The following LDLRAD4 variants were observed in gnomAD, a reference collection of about 807,000 sequenced individuals.
The protein encoded by LDLRAD4 is low-density lipoprotein receptor class A domain-containing protein 4.
LDLRAD4 carries 5 observed loss-of-function variants against 17.0 expected under a neutral mutation model. The ratio of observed to expected loss-of-function variants is 0.29; its 90% CI spans 0.15 to 0.62. The LOEUF is 0.62. LDLRAD4 is among the 20% of genes least tolerant of loss of function. LDLRAD4 has a pLI of 0.84. For synonymous variants in LDLRAD4, 168 were observed against 171.8 expected, an observed-to-expected ratio of 0.98 and a Z score of 0.17; for missense variants, 340 against 424.7, an observed-to-expected ratio of 0.80 and a Z score of 1.75.
In LDLRAD4 at chr18:13,345,829, G is replaced by T. The variant is rs574439695; in HGVS notation, c.-382-41512G>T. ...TGGGAGGGTGTATGTGTCCAGGAAT[G>T]TATCCATTTCTTCTAGATTTTCTAG... On this transcript the variant is annotated intron_variant, in intron 1 of 5. Coordinates refer to ENST00000359446, the Ensembl canonical transcript of LDLRAD4. 4.9e-4 allele frequency among the ~76,000 whole-genome samples: 74 copies of T among 152,128 alleles called. 2 individuals carry two copies. The East Asian group carries it at 0.012, about 25-fold the overall frequency.
chr18:13,629,766 TG>T (rs1481459101), intron 4 of LDLRAD4, among the ~76,000 whole-genome samples: 2 of 151,608 alleles, frequency 1.3e-5, no homozygotes, highest in African/African-American at 2.4e-5. Flanking sequence ...AAAGTTGGTG[TG>T]GTTTGTTCTG....
chr18:13,390,275 G>A (rs1021825201), intron 2 of LDLRAD4, among the ~76,000 whole-genome samples: 2 of 152,194 alleles, frequency 1.3e-5, no homozygotes, highest in African/African-American at 4.8e-5. Flanking sequence ...CGCCACAGCC[G>A]CCGTTTTGGA....
At chr18:13,588,133 T>C (rs2094958991) in intron 3 of LDLRAD4, among the ~76,000 whole-genome samples, 1 of 152,226 alleles carries the variant, frequency 6.6e-6, no homozygotes, top group Admixed American at 6.5e-5. Flanking sequence ...TCCTGTCCCA[T>C]TGAGAAGCTT....
intron 3 of LDLRAD4, among the ~76,000 whole-genome samples, chr18:13,600,622 A>G (rs752851985): frequency 5.9e-5 from 9 of 152,256 alleles, no homozygotes; most frequent in Admixed American, 2.6e-4. Flanking sequence ...AAAATCACCA[A>G]GAAGACCATG....
chr18:13,467,225 C>T (rs897960319), intron 3 of LDLRAD4, among the ~76,000 whole-genome samples: 1 of 152,162 alleles, frequency 6.6e-6, no homozygotes, highest in African/African-American at 2.4e-5. Flanking sequence ...TCAAAAATGA[C>T]ATGATCTTAT....
At chr18:13,283,075 G>A (rs1298293883) in intron 1 of LDLRAD4, among the ~76,000 whole-genome samples, 1 of 152,166 alleles carries the variant, frequency 6.6e-6, no homozygotes, top group Non-Finnish European at 1.5e-5. Context: ...AAGTCCCTAG[G>A]TTGCATACAG....
At chr18:13,253,928 G>A (rs1598918941) in intron 1 of LDLRAD4, among the ~76,000 whole-genome samples, 1 of 152,254 alleles carries the variant, frequency 6.6e-6, no homozygotes, top group South Asian at 2.1e-4. Flanking sequence ...TGAGTGCCCA[G>A]TGTGTGCCCA....
At position 13,397,224 on chromosome 18, in the gene LDLRAD4, A is replaced by T. The variant is rs533444719; in HGVS notation, c.40+9462A>T. Among the ~76,000 whole-genome samples, 41 of 152,154 alleles carry T rather than the reference A, an allele frequency of 2.7e-4. 1 individual carries two copies. In the South Asian group the frequency reaches 8.3e-3, roughly 31 times the overall value. ...AGTGGTGAGATCTCAGCTCACTGCAAGCTCCGCCTGCCTGGTTCATGCCAT... is the reference window on the plus strand; with the variant it reads ...AGTGGTGAGATCTCAGCTCACTGCATGCTCCGCCTGCCTGGTTCATGCCAT... On this transcript the variant is annotated intron_variant, in intron 2 of 5. Coordinates refer to ENST00000359446, the Ensembl canonical transcript of LDLRAD4.
intron 1 of LDLRAD4, among the ~76,000 whole-genome samples, chr18:13,347,806 C>G (rs889727083): frequency 6.6e-6 from 1 of 152,144 alleles, no homozygotes; most frequent in African/African-American, 2.4e-5. Flanking sequence ...TCTCTTCTTG[C>G]TTCATTTCAT....
intron 3 of LDLRAD4, among the ~76,000 whole-genome samples, chr18:13,452,289 A>G (rs1025785352): frequency 1.3e-5 from 2 of 152,138 alleles, no homozygotes; most frequent in African/African-American, 4.8e-5. Flanking sequence ...TTTGGGGTTC[A>G]CGGTGGCAGC....
At chr18:13,251,560 T>C (rs191205668) in intron 1 of LDLRAD4, among the ~76,000 whole-genome samples, 2 of 152,282 alleles carry the variant, frequency 1.3e-5, no homozygotes, top group African/African-American at 2.4e-5. Flanking sequence ...AAAATCAATA[T>C]TGTTTCTATA....
At chr18:13,480,009 C>T (rs1350735738) in intron 3 of LDLRAD4, among the ~76,000 whole-genome samples, 2 of 152,346 alleles carry the variant, frequency 1.3e-5, no homozygotes, top group Admixed American at 6.5e-5. Flanking sequence ...TTGACGGTGT[C>T]TTTCAAAACT....
chr18:13,590,413 G>A (rs2095005965), intron 3 of LDLRAD4, among the ~76,000 whole-genome samples: 2 of 152,256 alleles, frequency 1.3e-5, no homozygotes, highest in East Asian at 3.9e-4. Context: ...CCACTCATAC[G>A]TAGCAGAAAA....
chr18:13,384,424 T>C (rs1027581779), intron 1 of LDLRAD4, among the ~76,000 whole-genome samples: 1 of 152,240 alleles, frequency 6.6e-6, no homozygotes, highest in African/African-American at 2.4e-5. Flanking sequence ...GTAAGAATGT[T>C]AAAAATCTAT....
exon 6 of LDLRAD4, chr18:13,649,336 G>A (rs1290589391): frequency 1.3e-5 from 2 of 152,232 alleles, no homozygotes; most frequent in East Asian, 3.8e-4. Flanking sequence ...CTCTGACCTA[G>A]AAGAATCCAT....
chr18:13,354,412 A>G (rs1416391931), intron 1 of LDLRAD4, among the ~76,000 whole-genome samples: 4 of 152,232 alleles, frequency 2.6e-5, no homozygotes, highest in Non-Finnish European at 5.9e-5. Context: ...GACCAACAGC[A>G]TGAAATGGAT....
chr18:13,309,584 G>T (rs1381993928), intron 1 of LDLRAD4, among the ~76,000 whole-genome samples: 1 of 152,206 alleles, frequency 6.6e-6, no homozygotes, highest in Non-Finnish European at 1.5e-5. Context: ...ACATGTTGAA[G>T]GCCATAAAGG....
chr18:13,611,368 C>A, intron 3 of LDLRAD4: 1 of 616,786 alleles, frequency 1.6e-6, no homozygotes, highest in Non-Finnish European at 2.0e-6. Context: ...GGGTTATTTG[C>A]AGCGTTACCA....
At chr18:13,478,468 CA>C (rs1335977275) in intron 3 of LDLRAD4, among the ~76,000 whole-genome samples, 1 of 152,180 alleles carries the variant, frequency 6.6e-6, no homozygotes, top group African/African-American at 2.4e-5. Context: ...CTTGGCTTCA[CA>C]TTGCTTTTTT....
Sources: allele counts gnomAD v4.1 joint callset (sites outside exome capture counted in the v4.1 genomes callset), GRCh38; gene constraint gnomAD v4.1.1; transcripts MANE v1.5; gene names NCBI Gene and HGNC (gene_info 2026-07-23, HGNC 2026-07-21).